GRAMD1A: variants seen among roughly 807,000 people sequenced by gnomAD.
GRAMD1A encodes the protein protein Aster-A.
Under a neutral mutation model 92.0 loss-of-function variants are expected in GRAMD1A, and 50 were observed. The ratio of observed to expected loss-of-function variants is 0.54; its 90% CI spans 0.43 to 0.69. The LOEUF (loss-of-function observed/expected upper bound fraction) is 0.69, where lower values mean the gene tolerates loss of function less well. Ranked by LOEUF, GRAMD1A falls within the 30% of genes least tolerant of loss-of-function variation. The probability of loss-of-function intolerance (pLI) is 0.00; values close to 1 mark genes in which losing one functional copy is unlikely to be tolerated. For synonymous variants in GRAMD1A, 405 were observed against 403.6 expected, an observed-to-expected ratio of 1.00 and a Z score of -0.04; for missense variants, 819 against 978.9, an observed-to-expected ratio of 0.84 and a Z score of 2.18.
At chr19:35,006,843 G>C (rs767664377) in intron 1 of GRAMD1A, among the ~76,000 whole-genome samples, 7 of 152,190 alleles carry the variant, frequency 4.6e-5, no homozygotes, top group Admixed American at 3.3e-4. Context: ...CCTGGGGTGT[G>C]GCGACAGAGG....
chr19:35,011,775 C>T (rs2015258305), intron 7 of GRAMD1A, among the ~76,000 whole-genome samples: 1 of 152,206 alleles, frequency 6.6e-6, no homozygotes, highest in South Asian at 2.1e-4. Flanking sequence ...TTCCCTGGGG[C>T]TGGGAATGAT....
At position 35,013,170 on chromosome 19, in the gene GRAMD1A, C is replaced by T. The variant is rs1352280703; in HGVS notation, c.607-86C>T. The T allele has an allele frequency of 1.3e-5, 9 of 694,002 alleles. No individual in the cohort carries two copies. Among genetic ancestry groups the T allele is most frequent in the South Asian group, 1.0e-4 (6 of 59,584 alleles). The allele number at this position is 694,002 out of a possible 1,614,324, so 43.0% of individuals were successfully genotyped here. A position where few individuals can be genotyped will look rare whatever the true frequency, so the allele number is the denominator to read the frequency against. ...CTCCTTGTGGAAGCCAGGGGAACTG[C>T]GGAGGCCGAGGGCTGGTGGGGAATC... On this transcript the variant is annotated intron_variant, in intron 7 of 19. Transcript: ENST00000317991. This position sits in a 1 kb window ranked among gnomAD's most constrained non-coding sequence, Gnocchi z 4.9.
Position 35,026,275 on chromosome 19 carries a change from G to A in GRAMD1A, c.*134G>A. The A allele has an allele frequency of 1.6e-6, 1 of 622,316 alleles. No homozygotes were observed. The highest frequency in any genetic ancestry group is 1.8e-5 in the South Asian group (1 of 56,330). The allele number at this position is 622,316 out of a possible 1,614,324, so 38.5% of individuals were successfully genotyped here. On this transcript the variant is annotated 3_prime_UTR_variant, in exon 20 of 20. Transcript: ENST00000317991. ...CGACGGCCCAACCAGGGGCTGTGCAGACGTGGGGACCACGGAACCGAGATG... is the reference window on the plus strand; with the variant it reads ...CGACGGCCCAACCAGGGGCTGTGCAAACGTGGGGACCACGGAACCGAGATG...
intron 11 of GRAMD1A, among the ~76,000 whole-genome samples, chr19:35,018,188 G>A (rs543450463): frequency 8.6e-5 from 13 of 151,996 alleles, no homozygotes; most frequent in Non-Finnish European, 1.6e-4. Flanking sequence ...GGGTTTCACC[G>A]TGTTGGCCAG....
upstream of GRAMD1A, among the ~76,000 whole-genome samples, chr19:34,997,700 T>C (rs534460897): frequency 1.4e-4 from 22 of 152,318 alleles, no homozygotes; most frequent in African/African-American, 5.3e-4. Context: ...CCTAATCGTG[T>C]ATCTTTTTAA....
chr19:35,026,267 G>A lies in GRAMD1A; in HGVS notation c.*126G>A. 1.5e-6 allele frequency: 1 copy of A among 652,278 alleles called. No individual in the cohort carries two copies. Among genetic ancestry groups the A allele is most frequent in the East Asian group, 2.7e-5 (1 of 36,728 alleles). 40.4% of individuals were successfully genotyped at this position (652,278 alleles called of 1,614,324 possible). A position where few individuals can be genotyped will look rare whatever the true frequency, so the allele number is the denominator to read the frequency against. On this transcript the variant is annotated 3_prime_UTR_variant, in exon 20 of 20. Coordinates refer to ENST00000317991, the MANE Select transcript of GRAMD1A (RefSeq NM_020895.5). Reference sequence around the variant, plus strand: ...GCCCCTCCCGACGGCCCAACCAGGGGCTGTGCAGACGTGGGGACCACGGAA... The same window carrying A: ...GCCCCTCCCGACGGCCCAACCAGGGACTGTGCAGACGTGGGGACCACGGAA...
chr19:35,004,327 A>G (rs1865230207), intron 1 of GRAMD1A, among the ~76,000 whole-genome samples: 1 of 151,084 alleles, frequency 6.6e-6, no homozygotes, highest in African/African-American at 2.4e-5. Context: ...TAGTTGTCCC[A>G]TCCCTTATCT....
intron 18 of GRAMD1A, 42 bp downstream of exon 18, chr19:35,023,385 C>G (rs373496441): frequency 1.2e-6 from 2 of 1,612,984 alleles, no homozygotes; most frequent in Non-Finnish European, 1.7e-6. Context: ...TTGGGCACAT[C>G]GGGGGAGGCC....
chr19:35,006,624 T>TC (rs374529036), intron 1 of GRAMD1A, among the ~76,000 whole-genome samples: 1 of 152,286 alleles, frequency 6.6e-6, no homozygotes, highest in African/African-American at 2.4e-5. Context: ...GAAGGCTCAT[T>TC]CCCCAAGGGC....
chr19:34,997,265 C>T (rs560696321), upstream of GRAMD1A, among the ~76,000 whole-genome samples: 24 of 151,714 alleles, frequency 1.6e-4, 1 homozygote, highest in Middle Eastern at 3.4e-3. Context: ...TAACACCATG[C>T]GTGAGGCCTA....
Position 35,023,508 on chromosome 19 carries a change from G to C in GRAMD1A, c.2043G>C (p.Trp681Cys), listed in dbSNP as rs1401004384. ...KQFHSVEVHK[W>C]RQILRASVEL... ...TCCACAGCGTGGAGGTGCACAAGTGGAGGCAGATCCTGCGGGCCTCCGTGG... is the reference window on the plus strand; with the variant it reads ...TCCACAGCGTGGAGGTGCACAAGTGCAGGCAGATCCTGCGGGCCTCCGTGG... The change falls in exon 19 of 20, where the codon TGG becomes TGC. Residue 681 changes from tryptophan to cysteine, a missense_variant. Around this residue, in one of 3 missense-constraint regions of GRAMD1A, gnomAD observed 577 missense variants for 674.6 expected, o/e 0.86. Coordinates refer to ENST00000317991, the MANE Select transcript of GRAMD1A (RefSeq NM_020895.5). 6.3e-7 allele frequency: 1 copy of C among 1,585,002 alleles called. No homozygotes were observed. The highest frequency in any genetic ancestry group is 1.4e-5 in the African/African-American group (1 of 73,296).
chr19:35,006,273 G>T (rs899374245), intron 1 of GRAMD1A, among the ~76,000 whole-genome samples: 4 of 152,186 alleles, frequency 2.6e-5, no homozygotes, highest in Non-Finnish European at 5.9e-5. Flanking sequence ...ACTGAGCTGA[G>T]ATAGTGCCAC....
chr19:35,016,028 G>A (rs1009577366), intron 11 of GRAMD1A, 61 bp downstream of exon 11: 28 of 1,564,682 alleles, frequency 1.8e-5, no homozygotes, highest in Admixed American at 8.7e-5. Context: ...GGTGAGGAAG[G>A]GTAGCCCAGG....
intron 16 of GRAMD1A, 52 bp from the exon 17 acceptor site, chr19:35,022,848 G>A: frequency 6.3e-7 from 1 of 1,581,894 alleles, no homozygotes; most frequent in African/African-American, 1.3e-5. Flanking sequence ...GGTGTCGGGG[G>A]CAGGCCAGGC....
chr19:35,013,534 C>T lies in GRAMD1A; in HGVS notation c.720-7C>T. ...ACAGCAGTCCCGCTTCCTCCCCTTT[C>T]CCACAGGACCCCCAAGGAAGTGGGA... is the stretch of plus-strand genomic sequence containing the variant. On this transcript the variant is annotated splice_region_variant and splice_polypyrimidine_tract_variant and intron_variant, in intron 8 of 19. Coordinates refer to ENST00000317991, the MANE Select transcript of GRAMD1A (RefSeq NM_020895.5). The surrounding 1 kb of genome is among the most constrained non-coding windows in gnomAD (Gnocchi z 4.9). The T allele has an allele frequency of 2.5e-6, 4 of 1,595,920 alleles. No individual in the cohort carries two copies. Among genetic ancestry groups the T allele is most frequent in the Non-Finnish European group, 3.4e-6 (4 of 1,168,188 alleles).
intron 1 of GRAMD1A, among the ~76,000 whole-genome samples, chr19:35,005,031 C>T (rs541113742): frequency 1.3e-5 from 2 of 152,190 alleles, no homozygotes; most frequent in Admixed American, 6.5e-5. Context: ...GGCTGCTGCC[C>T]TGGAGACCTG....
In GRAMD1A at chr19:35,013,423, C is replaced by G. The variant is rs953801898; in HGVS notation, c.719+55C>G. On this transcript the variant is annotated intron_variant, in intron 8 of 19. Coordinates refer to ENST00000317991, the MANE Select transcript of GRAMD1A (RefSeq NM_020895.5). This position sits in a 1 kb window ranked among gnomAD's most constrained non-coding sequence, Gnocchi z 4.9. ...GTTCGGGGGAGAACAGGACGGTCGG[C>G]GTGCAGAGTTCCTGGAGTGCTGGGG... 2.7e-6 allele frequency: 4 copies of G among 1,498,602 alleles called. No individual in the cohort carries two copies. The African/African-American group carries it at 5.5e-5, about 21-fold the overall frequency. 92.8% of individuals were successfully genotyped at this position (1,498,602 alleles called of 1,614,324 possible).
chr19:35,000,429 C>T lies in GRAMD1A; in HGVS notation c.-50C>T. On this transcript the variant is annotated 5_prime_UTR_variant, in exon 1 of 20. Coordinates refer to ENST00000317991, the MANE Select transcript of GRAMD1A (RefSeq NM_020895.5). This position sits in a 1 kb window ranked among gnomAD's most constrained non-coding sequence, Gnocchi z 4.9. ...CCCAGCCCCGCGCAGCCCAGCCCTG[C>T]CCTGCCCTGCCCTGCCCTGCGCCCG... 1 of 1,226,434 alleles carries T rather than the reference C, an allele frequency of 8.2e-7. No homozygotes were observed. The allele number at this position is 1,226,434 out of a possible 1,614,324, so 76.0% of individuals were successfully genotyped here.
chr19:34,995,928 C>G, upstream of GRAMD1A: 1 of 1,087,626 alleles, frequency 9.2e-7, no homozygotes, highest in Non-Finnish European at 1.3e-6. Flanking sequence ...AGTGGAGCCA[C>G]GGGGGAAGGT....
Sources: gnomAD v4.1 joint callset for allele counts (sites outside exome capture counted in the v4.1 genomes callset) on GRCh38, gnomAD v4.1.1 for gene constraint, gnomAD v4.1.1 regional missense constraint, Gnocchi (gnomAD v3.1) non-coding constraint, MANE v1.5 for transcripts, NCBI Gene and HGNC (gene_info 2026-07-23, HGNC 2026-07-21) for gene names.